The following CDH2 variants were observed in gnomAD, a reference collection of about 807,000 sequenced individuals.
CDH2 encodes the protein cadherin-2.
A neutral mutation model predicts 92.0 loss-of-function variants in CDH2; 17 were observed. The ratio of observed to expected loss-of-function variants is 0.18; its 90% CI spans 0.13 to 0.28. CDH2 has a LOEUF of 0.28. Among genes scored for constraint, CDH2 ranks in the 10% least tolerant of loss-of-function variants. CDH2 has a pLI of 1.00. For synonymous variants in CDH2, 419 were observed against 415.9 expected, an observed-to-expected ratio of 1.01 and a Z score of -0.09; for missense variants, 862 against 1,133.1, an observed-to-expected ratio of 0.76 and a Z score of 3.44.
chr18:28,005,635 A>C (rs902337234), intron 6 of CDH2, among the ~76,000 whole-genome samples: 1 of 152,172 alleles, frequency 6.6e-6, no homozygotes, highest in African/African-American at 2.4e-5. Context: ...AGGTGGGAAA[A>C]ATCAGTATGA....
At chr18:27,976,864 AGGCTAACAGTTTCTCTTTCCTATCCTGG>A (rs2143929369) in intron 14 of CDH2, among the ~76,000 whole-genome samples, 1 of 152,332 alleles carries the variant, frequency 6.6e-6, no homozygotes, top group South Asian at 2.1e-4. Context: ...AAAAAGCAGA[AGGCTAACAGTTTCTCTTTCCTATCCTGG>A]GGCTGAAAGG....
chr18:27,964,640 A>G lies in CDH2; in HGVS notation c.2350-1119T>C, dbSNP rs17522047. On this transcript the variant is annotated intron_variant, in intron 14 of 15. Transcript: ENST00000269141. ...ATTCGACAGTTGTTTAACGTTTACCATGTTTTGGCAATGGTCTAGGTGTCT... is the reference window on the plus strand; with the variant it reads ...ATTCGACAGTTGTTTAACGTTTACCGTGTTTTGGCAATGGTCTAGGTGTCT... Among the ~76,000 whole-genome samples the G allele has an allele frequency of 7.2e-3, 1,089 of 152,250 alleles. 12 individuals carry two copies. The highest frequency in any genetic ancestry group is 0.024 in the African/African-American group (998 of 41,530).
chr18:27,974,661 T>C (rs1177237658), intron 14 of CDH2, among the ~76,000 whole-genome samples: 1 of 152,136 alleles, frequency 6.6e-6, no homozygotes, highest in Non-Finnish European at 1.5e-5. Flanking sequence ...TACAATAGTA[T>C]TAAGAAGTGG....
chr18:28,132,788 G>A (rs1165579171), intron 2 of CDH2, among the ~76,000 whole-genome samples: 1 of 152,122 alleles, frequency 6.6e-6, no homozygotes, highest in Non-Finnish European at 1.5e-5. Flanking sequence ...ACTGCTTATG[G>A]CCTTTACAGT....
At chr18:28,047,693 C>T (rs2014105149) in intron 2 of CDH2, among the ~76,000 whole-genome samples, 1 of 151,604 alleles carries the variant, frequency 6.6e-6, no homozygotes, top group Admixed American at 6.6e-5. Flanking sequence ...ACGGTGAAAC[C>T]CCTTCTCTAC....
At position 28,046,543 on chromosome 18, in the gene CDH2, A is replaced by G. The variant is rs906968274; in HGVS notation, c.173-32634T>C. On this transcript the variant is annotated intron_variant, in intron 2 of 15. Transcript: ENST00000269141. ...AAGTCATAATTTAGAGAAAAATCAT[A>G]TATTACTGAATCAAATTAAGTTACA... Among the ~76,000 whole-genome samples, 3 of 152,186 alleles carry G rather than the reference A, an allele frequency of 2.0e-5. No homozygotes were observed. The East Asian group carries it at 5.8e-4, about 29-fold the overall frequency.
At chr18:27,978,619 G>C (rs1221645503) in intron 14 of CDH2, among the ~76,000 whole-genome samples, 3 of 149,822 alleles carry the variant, frequency 2.0e-5, no homozygotes, top group Non-Finnish European at 4.4e-5. Context: ...GTTGGGGGGG[G>C]GGATTCATTA....
intron 2 of CDH2, among the ~76,000 whole-genome samples, chr18:28,053,550 C>T (rs1451354686): frequency 6.6e-6 from 1 of 152,106 alleles, no homozygotes; most frequent in Non-Finnish European, 1.5e-5. Flanking sequence ...TGGTTAGTTA[C>T]AGCAGCTGAG....
intron 2 of CDH2, among the ~76,000 whole-genome samples, chr18:28,114,260 T>C (rs2015459399): frequency 6.6e-6 from 1 of 152,170 alleles, no homozygotes; most frequent in South Asian, 2.1e-4. Flanking sequence ...GCTAATTACT[T>C]TGATCTGATC....
At chr18:28,133,350 G>A (rs1349005778) in intron 2 of CDH2, among the ~76,000 whole-genome samples, 3 of 152,100 alleles carry the variant, frequency 2.0e-5, no homozygotes, top group Admixed American at 6.5e-5. Flanking sequence ...CTGGGAGGCC[G>A]AGGCGGGTGG....
At chr18:28,110,437 T>C (rs1476641842) in intron 2 of CDH2, among the ~76,000 whole-genome samples, 3 of 152,126 alleles carry the variant, frequency 2.0e-5, no homozygotes, top group Non-Finnish European at 4.4e-5. Flanking sequence ...AAGGGAGTAA[T>C]GCAGACAGAC....
chr18:28,130,952 C>T (rs2015758611), intron 2 of CDH2, among the ~76,000 whole-genome samples: 1 of 152,136 alleles, frequency 6.6e-6, no homozygotes, highest in Admixed American at 6.5e-5. Flanking sequence ...CATGCATGGA[C>T]ACGCACGCTA....
chr18:27,985,280 G>A (rs780105509), intron 12 of CDH2, 47 bp from the exon 13 acceptor site: 13 of 1,112,390 alleles, frequency 1.2e-5, no homozygotes, highest in Admixed American at 1.9e-5. Flanking sequence ...TACTTAAAGC[G>A]ATAAAAAAAC....
At chr18:28,020,140 A>G in intron 2 of CDH2, among the ~76,000 whole-genome samples, 1 of 152,144 alleles carries the variant, frequency 6.6e-6, no homozygotes. Context: ...ACTTAGATGC[A>G]GCTAGGAATA....
At position 28,076,917 on chromosome 18, in the gene CDH2, A is replaced by G. The variant is rs377236790; in HGVS notation, c.173-63008T>C. ...GGAAAAGCAAAAGAGTATGAAAATT[A>G]AATGCTATAATGCATAGGAAATACT... On this transcript the variant is annotated intron_variant, in intron 2 of 15. Coordinates refer to ENST00000269141, the MANE Select transcript of CDH2 (RefSeq NM_001792.5). Among the ~76,000 whole-genome samples the G allele has an allele frequency of 2.0e-3, 297 of 152,292 alleles. 1 individual carries two copies. The highest frequency in any genetic ancestry group is 6.7e-3 in the African/African-American group (277 of 41,562).
At chr18:27,982,705 T>C (rs2012094302) in intron 14 of CDH2, among the ~76,000 whole-genome samples, 1 of 151,988 alleles carries the variant, frequency 6.6e-6, no homozygotes, top group Non-Finnish European at 1.5e-5. Context: ...ATAACTAGAA[T>C]TGGGTTTAAA....
intron 2 of CDH2, 82 bp downstream of exon 2, chr18:28,147,591 A>C: frequency 1.2e-5 from 10 of 809,212 alleles, no homozygotes; most frequent in Non-Finnish European, 1.6e-5. Context: ...TATACAGTAG[A>C]AATGATTTAG....
At chr18:28,162,665 T>C (rs773344992) in intron 1 of CDH2, among the ~76,000 whole-genome samples, 76 of 152,208 alleles carry the variant, frequency 5.0e-4, no homozygotes, top group Non-Finnish European at 8.5e-4. Flanking sequence ...AAGTCCAGAA[T>C]AGACTAATCT....
chr18:28,066,736 A>G (rs1321155813), intron 2 of CDH2, among the ~76,000 whole-genome samples: 2 of 147,882 alleles, frequency 1.4e-5, no homozygotes, highest in Non-Finnish European at 3.0e-5. Flanking sequence ...GTTAATCTGT[A>G]AATTACAAAA....
Sources: allele counts gnomAD v4.1 joint callset (sites outside exome capture counted in the v4.1 genomes callset), GRCh38; gene constraint gnomAD v4.1.1; transcripts MANE v1.5; gene names NCBI Gene and HGNC (gene_info 2026-07-23, HGNC 2026-07-21).